The following IFIH1 variants were observed in gnomAD, a reference collection of about 807,000 sequenced individuals.
The protein encoded by IFIH1 is interferon induced with helicase C domain 1, also known as interferon-induced helicase C domain-containing protein 1.
In IFIH1, 125 loss-of-function variants were observed where a neutral mutation model predicts 107.4. The observed-to-expected ratio is 1.16, with a 90% CI of 1.01 to 1.35. The LOEUF (loss-of-function observed/expected upper bound fraction) is 1.35, where lower values mean the gene tolerates loss of function less well. IFIH1 is among the 40% of genes most tolerant of loss of function. IFIH1 has a pLI of 0.00. For synonymous variants in IFIH1, 458 were observed against 413.2 expected (o/e 1.11, Z -1.31); for missense variants, 1,333 against 1,213.7 (o/e 1.10, Z -1.46).
chr2:162,276,966 T>C lies in IFIH1; in HGVS notation c.2045-20A>G. The stretch of plus-strand genomic sequence containing the variant: ...TGTTTTCTTTAAGAAATAATTAGAG[T>C]TGATATGTTAACAAGCTTGATTTAG... On this transcript the variant is annotated intron_variant, in intron 10 of 15. Coordinates refer to ENST00000649979, the MANE Select transcript of IFIH1 (RefSeq NM_022168.4). The C allele has an allele frequency of 6.4e-7, 1 of 1,568,432 alleles. No individual in the cohort carries two copies. Among genetic ancestry groups the C allele is most frequent in the Non-Finnish European group, 8.6e-7 (1 of 1,157,884 alleles).
At chr2:162,295,243 G>T (rs565422506) in intron 3 of IFIH1, among the ~76,000 whole-genome samples, 2 of 152,044 alleles carry the variant, frequency 1.3e-5, no homozygotes, top group East Asian at 3.9e-4. Context: ...CACTGATCTG[G>T]TTTCTGTTCC....
At chr2:162,296,852 C>T (rs898975329) in intron 3 of IFIH1, among the ~76,000 whole-genome samples, 10 of 151,968 alleles carry the variant, frequency 6.6e-5, no homozygotes, top group African/African-American at 2.4e-4. Flanking sequence ...CCTCTGTTCT[C>T]GTTACATAAA....
At chr2:162,286,131 A>G (rs1391930301) in intron 5 of IFIH1, among the ~76,000 whole-genome samples, 1 of 151,992 alleles carries the variant, frequency 6.6e-6, no homozygotes, top group African/African-American at 2.4e-5. Flanking sequence ...AGCACTAGGA[A>G]TGATGACAGG....
chr2:162,303,441 T>C (rs1387512889), intron 3 of IFIH1, among the ~76,000 whole-genome samples: 1 of 152,068 alleles, frequency 6.6e-6, no homozygotes. Context: ...TAATTATCTC[T>C]TACCATCACA....
chr2:162,285,963 G>C (rs1682885929), intron 5 of IFIH1, among the ~76,000 whole-genome samples: 2 of 151,990 alleles, frequency 1.3e-5, no homozygotes, highest in South Asian at 4.1e-4. Flanking sequence ...ACAAGGTCCA[G>C]ATAAGTCTGT....
intron 1 of IFIH1, among the ~76,000 whole-genome samples, chr2:162,311,271 G>T (rs1294525272): frequency 3.3e-5 from 5 of 151,950 alleles, no homozygotes; most frequent in Non-Finnish European, 5.9e-5. Flanking sequence ...AGAAGAGAAA[G>T]TATCTTTAGT....
At chr2:162,297,483 A>AAC (rs1683112823) in intron 3 of IFIH1, among the ~76,000 whole-genome samples, 2 of 152,102 alleles carry the variant, frequency 1.3e-5, no homozygotes, top group African/African-American at 4.8e-5. Flanking sequence ...TGTTTTAAAA[A>AAC]ATATATAGAG....
At chr2:162,317,747 T>G in intron 1 of IFIH1, 108 bp downstream of exon 1, 1 of 845,400 alleles carries the variant, frequency 1.2e-6, no homozygotes, top group Non-Finnish European at 1.9e-6. Flanking sequence ...AGGAAGAAAC[T>G]AGATTTGCCC....
At position 162,300,479 on chromosome 2, in the gene IFIH1, T is replaced by A. The variant is rs188678157; in HGVS notation, c.769+6230A>T. On this transcript the variant is annotated intron_variant, in intron 3 of 15. Coordinates refer to ENST00000649979, the MANE Select transcript of IFIH1 (RefSeq NM_022168.4). Reference sequence around the variant, plus strand: ...GTATGAATGGTAATCCTCCTAGGACTATTATGCAACTGTAAGCCATATAAC... The same window carrying A: ...GTATGAATGGTAATCCTCCTAGGACAATTATGCAACTGTAAGCCATATAAC... Among the ~76,000 whole-genome samples, 116 of 152,320 alleles carry A rather than the reference T, an allele frequency of 7.6e-4. 1 individual carries two copies. Among genetic ancestry groups the A allele is most frequent in the Non-Finnish European group, 1.5e-3 (102 of 68,026 alleles).
At chr2:162,310,687 A>T (rs757402655) in intron 2 of IFIH1, 78 bp downstream of exon 2, 52 of 1,208,484 alleles carry the variant, frequency 4.3e-5, no homozygotes, top group South Asian at 6.3e-5. Context: ...GGTGTTTAGC[A>T]TTGTGTCTTT....
chr2:162,283,604 C>A (rs1219276112), intron 5 of IFIH1, among the ~76,000 whole-genome samples: 2 of 152,018 alleles, frequency 1.3e-5, no homozygotes, highest in Non-Finnish European at 2.9e-5. Flanking sequence ...ATTATTCACT[C>A]TCCATAATTC....
At chr2:162,297,311 T>C (rs1019626443) in intron 3 of IFIH1, among the ~76,000 whole-genome samples, 3 of 152,166 alleles carry the variant, frequency 2.0e-5, no homozygotes, top group African/African-American at 7.2e-5. Context: ...TCAGTCTGGA[T>C]TTAAGTCCTA....
Position 162,276,904 on chromosome 2 carries a change from T to C in IFIH1, c.2087A>G (p.Tyr696Cys), listed in dbSNP as rs1364723609. 6.2e-7 allele frequency: 1 copy of C among 1,610,892 alleles called. No homozygotes were observed. The highest frequency in any genetic ancestry group is 8.5e-7 in the Non-Finnish European group (1 of 1,179,084). The change falls in exon 11 of 16, where the codon TAT becomes TGT. Residue 696 changes from tyrosine (Y) to cysteine (C), a missense_variant. By Grantham distance (194) the Tyr-to-Cys change is radical. Transcript: ENST00000649979. ...TAATTTGGTCAGCTTTTCATTTTCATATTCTGGGTTTTCAGCCAGCCTTTT... is the reference window on the plus strand; with the variant it reads ...TAATTTGGTCAGCTTTTCATTTTCACATTCTGGGTTTTCAGCCAGCCTTTT... ...MLKRLAENPE[Y>C]ENEKLTKLRN...
intron 13 of IFIH1, among the ~76,000 whole-genome samples, chr2:162,270,077 T>A (rs938936417): frequency 3.9e-5 from 6 of 152,068 alleles, no homozygotes; most frequent in African/African-American, 1.2e-4. Flanking sequence ...GGATTTGTAA[T>A]CAGGACATCA....
chr2:162,274,241 A>G (rs1691106025), intron 11 of IFIH1, among the ~76,000 whole-genome samples: 1 of 152,188 alleles, frequency 6.6e-6, no homozygotes, highest in South Asian at 2.1e-4. Flanking sequence ...AGAGGAAGAA[A>G]GGAGGAGCTG....
Position 162,282,584 on chromosome 2 carries a change from A to T in IFIH1, c.1096-8T>A. ...CTGTTCAACTAGCAGTACCTTAAAA[A>T]AATGTGAAGATTTTTTAAAAGAGAG... On this transcript the variant is annotated splice_polypyrimidine_tract_variant and splice_region_variant and intron_variant, in intron 5 of 15. Transcript: ENST00000649979. 1 of 1,582,282 alleles carries T rather than the reference A, an allele frequency of 6.3e-7. No homozygotes were observed. The highest frequency in any genetic ancestry group is 1.1e-5 in the South Asian group (1 of 88,086).
chr2:162,278,181 G>C (rs1682738274), intron 9 of IFIH1, 24 bp downstream of exon 9: 2 of 1,588,344 alleles, frequency 1.3e-6, no homozygotes, highest in African/African-American at 1.4e-5. Flanking sequence ...GATAAACTAA[G>C]TGTTAGGTCC....
chr2:162,293,226 T>C (rs1260555957), intron 4 of IFIH1, among the ~76,000 whole-genome samples: 2 of 151,958 alleles, frequency 1.3e-5, no homozygotes. Flanking sequence ...AATTTGGAAG[T>C]AAATAAATGT....
chr2:162,276,865 A>C lies in IFIH1; in HGVS notation c.2126T>G (p.Met709Arg), dbSNP rs1243558888. 1 of 1,613,608 alleles carries C rather than the reference A, an allele frequency of 6.2e-7. No individual in the cohort carries two copies. Among genetic ancestry groups the C allele is most frequent in the Non-Finnish European group, 8.5e-7 (1 of 1,179,772 alleles). Residue 709 changes from methionine (M) to arginine (R), a missense_variant, in exon 11 of 16, where the codon ATG becomes AGG. Transcript: ENST00000649979. ...TTCCTCAGTCCTAGTATATTGCTCC[A>C]TTATGGTATTTCTTAATTTGGTCAG... is the stretch of plus-strand genomic sequence containing the variant. ...EKLTKLRNTIMEQYTRTEESA... is the reference protein window; with the variant it reads ...EKLTKLRNTIREQYTRTEESA...
Sources: gnomAD v4.1 joint callset for allele counts (sites outside exome capture counted in the v4.1 genomes callset) on GRCh38, gnomAD v4.1.1 for gene constraint, MANE v1.5 for transcripts, NCBI Gene and HGNC (gene_info 2026-07-23, HGNC 2026-07-21) for gene names.